FAM20A: variants seen among roughly 807,000 people sequenced by gnomAD.
FAM20A encodes pseudokinase FAM20A.
A neutral mutation model predicts 52.0 loss-of-function variants in FAM20A; 42 were observed. That is an observed-to-expected ratio of 0.81 (90% CI 0.63 to 1.04). The LOEUF is 1.04. FAM20A is among the 50% of genes least tolerant of loss of function. The probability of loss-of-function intolerance (pLI) is 0.00; values close to 1 mark genes in which losing one functional copy is unlikely to be tolerated. For synonymous variants in FAM20A, 304 were observed against 298.9 expected (o/e 1.02, Z -0.18); for missense variants, 742 against 712.7 (o/e 1.04, Z -0.47).
intron 4 of FAM20A, among the ~76,000 whole-genome samples, chr17:68,547,258 C>G (rs1315962354): frequency 1.3e-5 from 2 of 152,120 alleles, no homozygotes; most frequent in Non-Finnish European, 2.9e-5. Flanking sequence ...TCCTTTGAAT[C>G]TTTATCATTA....
intron 1 of FAM20A, among the ~76,000 whole-genome samples, chr17:68,560,753 C>A (rs1317055225): frequency 6.6e-6 from 1 of 152,116 alleles, no homozygotes; most frequent in Non-Finnish European, 1.5e-5. Flanking sequence ...ACTGATATTG[C>A]CAAAGTACCC....
intron 1 of FAM20A, among the ~76,000 whole-genome samples, chr17:68,570,690 C>A (rs976626232): frequency 3.3e-5 from 5 of 152,166 alleles, no homozygotes; most frequent in Non-Finnish European, 7.3e-5. Context: ...AACTTCTGTC[C>A]TTTCTGCTGA....
intron 1 of FAM20A, among the ~76,000 whole-genome samples, chr17:68,595,404 C>T (rs912373837): frequency 6.6e-6 from 1 of 152,146 alleles, no homozygotes; most frequent in African/African-American, 2.4e-5. Context: ...CCAGCCCTCT[C>T]AGAAACCATC....
Position 68,600,240 on chromosome 17 carries a change from CG to C in FAM20A, c.404+22del. Reference sequence around the variant, plus strand: ...GCCCCGGCCAGAGCGCCCGCTCTCCCGCGTCCCGGGCGGGGTCCTCACCTGT... The same window carrying C: ...GCCCCGGCCAGAGCGCCCGCTCTCCCCGTCCCGGGCGGGGTCCTCACCTGT... On this transcript the variant is annotated intron_variant, in intron 1 of 10. Coordinates refer to ENST00000592554, the MANE Select transcript of FAM20A (RefSeq NM_017565.4). The surrounding 1 kb of genome is among the most constrained non-coding windows in gnomAD (Gnocchi z 6.2). 6.4e-7 allele frequency: 1 copy of C among 1,551,270 alleles called. No individual in the cohort carries two copies. Among genetic ancestry groups the C allele is most frequent in the South Asian group, 1.2e-5 (1 of 84,052 alleles).
rs2088603855 is a variant in FAM20A at position 68,600,772 on chromosome 17, GCC to G, written c.-108_-107del. On this transcript the variant is annotated 5_prime_UTR_variant, in exon 1 of 11. Transcript: ENST00000592554. The surrounding 1 kb of genome is among the most constrained non-coding windows in gnomAD (Gnocchi z 6.2). ...GAGGTGCCTGGAGTCCCGCGGGTGG[GCC>G]GGGGTCAGTGAGACCGGAATGCTCC... is the stretch of plus-strand genomic sequence containing the variant. 41 of 1,307,554 alleles carry G rather than the reference GCC, an allele frequency of 3.1e-5. No individual in the cohort carries two copies. In the South Asian group the frequency reaches 5.9e-4, roughly 19 times the overall value. The allele number at this position is 1,307,554 out of a possible 1,614,324, so 81.0% of individuals were successfully genotyped here.
chr17:68,547,932 C>T (rs1235349825), intron 4 of FAM20A, among the ~76,000 whole-genome samples: 2 of 152,322 alleles, frequency 1.3e-5, no homozygotes, highest in Middle Eastern at 3.4e-3. Flanking sequence ...AATAATTTCT[C>T]GCTTCCCATT....
In FAM20A at chr17:68,536,707, A is replaced by G. The variant is rs940475689; in HGVS notation, c.*770T>C. On this transcript the variant is annotated 3_prime_UTR_variant, in exon 11 of 11. Coordinates refer to ENST00000592554, the MANE Select transcript of FAM20A (RefSeq NM_017565.4). The stretch of plus-strand genomic sequence containing the variant: ...TTGTGTCCCTGCTAGGCCTGTTCCC[A>G]TGCCATCCTGACCTTGGAGGACTTT... The G allele has an allele frequency of 8.8e-6, 4 of 453,828 alleles. No individual in the cohort carries two copies. In the East Asian group the frequency reaches 2.8e-4, roughly 32 times the overall value. The allele number at this position is 453,828 out of a possible 1,614,324, so 28.1% of individuals were successfully genotyped here.
intron 4 of FAM20A, among the ~76,000 whole-genome samples, chr17:68,546,870 A>G (rs992680337): frequency 6.6e-6 from 1 of 151,718 alleles, no homozygotes; most frequent in South Asian, 2.1e-4. Context: ...GAAAGTTAGA[A>G]TGACTCCTTG....
In FAM20A at chr17:68,539,922, C is replaced by T. The variant is rs762620338; in HGVS notation, c.1264G>A (p.Asp422Asn). ...TCAAGGTGAATAAGGAACCCATCAT[C>T]CCCGAACTTGGTGAACATCTCATAA... ...HHYEMFTKFG[D>N]DGFLIHLDNA... The change falls in exon 9 of 11, where the codon GAT becomes AAT. Residue 422 changes from aspartate to asparagine, a missense_variant. Coordinates refer to ENST00000592554, the MANE Select transcript of FAM20A (RefSeq NM_017565.4). 1.2e-6 allele frequency: 2 copies of T among 1,614,198 alleles called. No homozygotes were observed. The highest frequency in any genetic ancestry group is 1.7e-5 in the Admixed American group (1 of 60,024).
intron 4 of FAM20A, among the ~76,000 whole-genome samples, chr17:68,547,616 C>T (rs2086630133): frequency 6.6e-6 from 1 of 152,238 alleles, no homozygotes; most frequent in Non-Finnish European, 1.5e-5. Context: ...CTGCTATCTT[C>T]CAAGTTTTCT....
At chr17:68,556,738 G>A (rs1348354666) in intron 1 of FAM20A, among the ~76,000 whole-genome samples, 2 of 152,128 alleles carry the variant, frequency 1.3e-5, no homozygotes, top group East Asian at 3.9e-4. Context: ...CTCTGGGTTG[G>A]AAGGGAAGGC....
chr17:68,562,257 T>C (rs557995404), intron 1 of FAM20A, among the ~76,000 whole-genome samples: 1 of 152,330 alleles, frequency 6.6e-6, no homozygotes, highest in East Asian at 1.9e-4. Flanking sequence ...TGTTTGTAAC[T>C]GTAAAAACTG....
At chr17:68,552,300 A>G (rs2086872915) in intron 3 of FAM20A, among the ~76,000 whole-genome samples, 1 of 152,154 alleles carries the variant, frequency 6.6e-6, no homozygotes, top group Admixed American at 6.5e-5. Context: ...TACAATGAAG[A>G]CATTTACTGA....
chr17:68,562,560 A>C (rs566813013), intron 1 of FAM20A, among the ~76,000 whole-genome samples: 1 of 152,166 alleles, frequency 6.6e-6, no homozygotes, highest in South Asian at 2.1e-4. Context: ...TTGTTTTTGC[A>C]TACCTCTTTC....
At position 68,600,684 on chromosome 17, in the gene FAM20A, G is replaced by A. The variant is rs1183349713; in HGVS notation, c.-18C>T. The A allele has an allele frequency of 1.3e-6, 2 of 1,531,688 alleles. No homozygotes were observed. The highest frequency in any genetic ancestry group is 4.9e-5 in the East Asian group (2 of 40,840). The allele number at this position is 1,531,688 out of a possible 1,614,324, so 94.9% of individuals were successfully genotyped here. The stretch of plus-strand genomic sequence containing the variant: ...CCCGGCATGGCGTGCTGGCCAAGGG[G>A]GACGCCGGGGGCAGGCCGGCTGTCT... On this transcript the variant is annotated 5_prime_UTR_variant, in exon 1 of 11. Coordinates refer to ENST00000592554, the MANE Select transcript of FAM20A (RefSeq NM_017565.4). This position sits in a 1 kb window ranked among gnomAD's most constrained non-coding sequence, Gnocchi z 6.2.
chr17:68,600,400 G>C lies in FAM20A; in HGVS notation c.267C>G (p.Ser89Arg). 1 of 1,609,540 alleles carries C rather than the reference G, an allele frequency of 6.2e-7. No homozygotes were observed. The highest frequency in any genetic ancestry group is 8.5e-7 in the Non-Finnish European group (1 of 1,178,566). ...EPAGGSHSGS[S>R]SKLQALFAHP... ...GGGCGAAGAGGGCCTGCAACTTGGA[G>C]CTCGACCCGCTGTGGCTGCCGCCAG... Residue 89 changes from serine to arginine, a missense_variant, in exon 1 of 11, where the codon AGC becomes AGG. Physicochemically the swap from Ser to Arg is moderately radical, Grantham distance 110. Coordinates refer to ENST00000592554, the MANE Select transcript of FAM20A (RefSeq NM_017565.4). This position sits in a 1 kb window ranked among gnomAD's most constrained non-coding sequence, Gnocchi z 6.2.
chr17:68,569,484 T>C (rs926495760), intron 1 of FAM20A, among the ~76,000 whole-genome samples: 1 of 152,250 alleles, frequency 6.6e-6, no homozygotes, highest in Non-Finnish European at 1.5e-5. Context: ...TCAATGTCTC[T>C]TTATTGATGT....
At chr17:68,580,468 CTT>C (rs2087911723) in intron 1 of FAM20A, among the ~76,000 whole-genome samples, 1 of 152,250 alleles carries the variant, frequency 6.6e-6, no homozygotes, top group Non-Finnish European at 1.5e-5. Flanking sequence ...CAATGCACCT[CTT>C]GTTTCCACTC....
At chr17:68,582,629 C>G (rs2088040271) in intron 1 of FAM20A, 1 of 152,220 alleles carries the variant, frequency 6.6e-6, no homozygotes, top group Non-Finnish European at 1.5e-5. Context: ...ACCAGGCACC[C>G]TGCTCAGTGT....
Sources: gnomAD v4.1 joint callset for allele counts (sites outside exome capture counted in the v4.1 genomes callset) on GRCh38, gnomAD v4.1.1 for gene constraint, Gnocchi (gnomAD v3.1) non-coding constraint, MANE v1.5 for transcripts, NCBI Gene and HGNC (gene_info 2026-07-23, HGNC 2026-07-21) for gene names.